CD96: variants seen among roughly 807,000 people sequenced by gnomAD.
CD96 encodes CD96 molecule, also known as T-cell surface protein tactile.
Under a neutral mutation model 71.3 loss-of-function variants are expected in CD96, and 70 were observed. The observed-to-expected ratio is 0.98, with a 90% CI of 0.81 to 1.20. The LOEUF (loss-of-function observed/expected upper bound fraction) is 1.20, where lower values mean the gene tolerates loss of function less well. Ranked by LOEUF, CD96 falls within the 50% of genes most tolerant of loss-of-function variation. The pLI is 0.00. For synonymous variants in CD96, 248 were observed against 233.0 expected (o/e 1.06, Z -0.59); for missense variants, 742 against 677.5 (o/e 1.10, Z -1.06).
rs180732801 is a variant in CD96, at chr3:111,553,084, A to T, written c.418+7682A>T. ...ATCTTTAAAAGATAAAGATGTCATT[A>T]AAAAAAAGCCATAATCTACCACCAA... is the stretch of plus-strand genomic sequence containing the variant. On this transcript the variant is annotated intron_variant, in intron 2 of 13. Coordinates refer to ENST00000352690, the MANE Select transcript of CD96 (RefSeq NM_005816.5). Among the ~76,000 whole-genome samples, 312 of 144,424 alleles carry T rather than the reference A, an allele frequency of 2.2e-3. 2 individuals carry two copies. Among genetic ancestry groups the T allele is most frequent in the Non-Finnish European group, 3.2e-3 (214 of 67,654 alleles). 94.7% of individuals were successfully genotyped at this position (144,424 alleles called of 152,430 possible).
intron 6 of CD96, 26 bp from the exon 7 acceptor site, chr3:111,600,700 G>A (rs1177657723): frequency 6.5e-7 from 1 of 1,539,744 alleles, no homozygotes; most frequent in Admixed American, 1.7e-5. Flanking sequence ...TGTTAGTGTT[G>A]AACCATGTTC....
intron 4 of CD96, among the ~76,000 whole-genome samples, chr3:111,583,054 T>G (rs544095366): frequency 2.0e-5 from 3 of 152,374 alleles, no homozygotes; most frequent in Admixed American, 6.5e-5. Flanking sequence ...TATGAGCCTG[T>G]AAAATCAAAC....
At position 111,606,749 on chromosome 3, in the gene CD96, C is replaced by T. The variant is rs755437335; in HGVS notation, c.1137C>T (p.Thr379=). 1.2e-6 allele frequency: 2 copies of T among 1,607,116 alleles called. No homozygotes were observed. Among genetic ancestry groups the T allele is most frequent in the South Asian group, 2.2e-5 (2 of 90,924 alleles). The part of the protein sequence containing the change: ...TDPPLSVTES[T]LDTQPSPASS... ...CTCCACTGAGTGTTACAGAATCTAC[C>T]CTTGACACCCAACCTTCTCCAGCCA... The change falls in exon 8 of 14, where the codon ACC becomes ACT. Residue 379 remains threonine (T), a synonymous_variant. Transcript: ENST00000352690.
intron 8 of CD96, among the ~76,000 whole-genome samples, chr3:111,614,925 C>T (rs189598237): frequency 1.6e-4 from 24 of 152,314 alleles, no homozygotes; most frequent in Admixed American, 1.4e-3. Flanking sequence ...GGGCCTGATG[C>T]ACAGGACCCT....
At position 111,652,295 on chromosome 3, in the gene CD96, T is replaced by C. The variant is rs1178773040; in HGVS notation, c.*2489T>C. ...TCAAGAAACAAATGCTAGCTTCATA[T>C]GTATGGCTGTTGCTTTGCTTCATGT... On this transcript the variant is annotated 3_prime_UTR_variant, in exon 14 of 14. Coordinates refer to ENST00000352690, the MANE Select transcript of CD96 (RefSeq NM_005816.5). 3 of 152,192 alleles carry C rather than the reference T, an allele frequency of 2.0e-5. No individual in the cohort carries two copies. Among genetic ancestry groups the C allele is most frequent in the African/African-American group, 7.2e-5 (3 of 41,452 alleles). The allele number at this position is 152,192 out of a possible 1,614,324, so 9.4% of individuals were successfully genotyped here.
intron 4 of CD96, among the ~76,000 whole-genome samples, chr3:111,580,717 C>T (rs1936427467): frequency 6.6e-6 from 1 of 152,106 alleles, no homozygotes; most frequent in Non-Finnish European, 1.5e-5. Flanking sequence ...CATCTCTCCT[C>T]AGGGATGGAC....
chr3:111,543,404 A>G (rs1349041998), intron 1 of CD96, among the ~76,000 whole-genome samples: 3 of 152,148 alleles, frequency 2.0e-5, no homozygotes, highest in East Asian at 3.9e-4. Context: ...ACTTATGTCT[A>G]GTATTTCAGA....
chr3:111,601,939 C>T (rs141730558), intron 7 of CD96, among the ~76,000 whole-genome samples: 22 of 152,336 alleles, frequency 1.4e-4, no homozygotes, highest in African/African-American at 5.1e-4. Flanking sequence ...GGGGCACTGG[C>T]ATCGCTCCCG....
At chr3:111,645,783 A>G (rs1939801028) in intron 12 of CD96, among the ~76,000 whole-genome samples, 1 of 152,092 alleles carries the variant, frequency 6.6e-6, no homozygotes, top group African/African-American at 2.4e-5. Flanking sequence ...TCTCCAGGGA[A>G]CCCTCAGTTT....
Position 111,596,182 on chromosome 3 carries a change from T to A in CD96, c.808-1938T>A, listed in dbSNP as rs567443835. 7.0e-5 allele frequency among the ~76,000 whole-genome samples: 10 copies of A among 142,406 alleles called. 1 individual carries two copies. Among genetic ancestry groups the A allele is most frequent in the African/African-American group, 2.1e-4 (8 of 38,360 alleles). 93.4% of individuals were successfully genotyped at this position (142,406 alleles called of 152,430 possible). A position where few individuals can be genotyped will look rare whatever the true frequency, so the allele number is the denominator to read the frequency against. On this transcript the variant is annotated intron_variant, in intron 5 of 13. Transcript: ENST00000352690. ...GTCTCAAAAAAATAAATAAATAAAA[T>A]GAATAAATAAAAATAAAAAAAGAAA...
chr3:111,638,254 A>G (rs561954409), intron 12 of CD96, 86 bp downstream of exon 12: 3 of 867,622 alleles, frequency 3.5e-6, no homozygotes, highest in East Asian at 2.4e-5. Context: ...GCCAGGCATT[A>G]TGCCAGTTGT....
intron 2 of CD96, among the ~76,000 whole-genome samples, chr3:111,558,403 GT>G (rs1935193037): frequency 7.4e-6 from 1 of 135,730 alleles, no homozygotes; most frequent in South Asian, 2.4e-4. Flanking sequence ...TTTATTGAGA[GT>G]TTTTAGCATG....
At chr3:111,603,567 A>G (rs73230106) in intron 7 of CD96, among the ~76,000 whole-genome samples, 16,075 of 152,168 alleles carry the variant, frequency 0.11, 1,023 homozygotes, top group Non-Finnish European at 0.14. Context: ...GGGAGTGGAT[A>G]GGAGACATTT....
intron 2 of CD96, among the ~76,000 whole-genome samples, chr3:111,549,896 G>A (rs1042620523): frequency 6.6e-6 from 1 of 152,188 alleles, no homozygotes; most frequent in African/African-American, 2.4e-5. Flanking sequence ...TACAATTTCA[G>A]ATCTAGGAGA....
chr3:111,662,040 A>AGG (rs1940371854), intron 14 of CD96, among the ~76,000 whole-genome samples: 1 of 152,220 alleles, frequency 6.6e-6, no homozygotes, highest in African/African-American at 2.4e-5. Flanking sequence ...TTTGAAATCT[A>AGG]GGGAGAGGTT....
At chr3:111,565,158 G>A (rs1301137075) in intron 2 of CD96, among the ~76,000 whole-genome samples, 11 of 152,124 alleles carry the variant, frequency 7.2e-5, no homozygotes, top group Admixed American at 7.2e-4. Flanking sequence ...CTAGGCAGAG[G>A]GAGGTGGTAT....
At chr3:111,563,298 A>G (rs1184182176) in intron 2 of CD96, among the ~76,000 whole-genome samples, 7 of 152,224 alleles carry the variant, frequency 4.6e-5, no homozygotes, top group Non-Finnish European at 7.3e-5. Context: ...TTCAGGTTTT[A>G]GGCACCTACG....
intron 3 of CD96, among the ~76,000 whole-genome samples, chr3:111,568,500 T>G (rs753638429): frequency 1.7e-4 from 26 of 152,302 alleles, no homozygotes; most frequent in Admixed American, 9.2e-4. Flanking sequence ...ATGACTAAAT[T>G]CTCCCACTAC....
Position 111,606,722 on chromosome 3 carries a change from C to T in CD96, c.1110C>T (p.Asp370=), listed in dbSNP as rs1279180389. The change falls in exon 8 of 14, where the codon GAC becomes GAT. Residue 370 remains aspartate (D), a synonymous_variant. Coordinates refer to ENST00000352690, the MANE Select transcript of CD96 (RefSeq NM_005816.5). ...AAGGTTCTGAAATTTCCTCAACAGACCCTCCACTGAGTGTTACAGAATCTA... is the reference window on the plus strand; with the variant it reads ...AAGGTTCTGAAATTTCCTCAACAGATCCTCCACTGAGTGTTACAGAATCTA... ...FLLGSEISST[D]PPLSVTESTL... 1.3e-6 allele frequency: 2 copies of T among 1,592,164 alleles called. No homozygotes were observed. The highest frequency in any genetic ancestry group is 2.2e-5 in the East Asian group (1 of 44,772).
Sources: gnomAD v4.1 joint callset for allele counts (sites outside exome capture counted in the v4.1 genomes callset) on GRCh38, gnomAD v4.1.1 for gene constraint, MANE v1.5 for transcripts, NCBI Gene and HGNC (gene_info 2026-07-23, HGNC 2026-07-21) for gene names.